Variants in GPR173 observed in about 807,000 individuals in gnomAD.
GPR173 encodes G protein-coupled receptor 173.
Under a neutral mutation model 13.9 loss-of-function variants are expected in GPR173, and 2 were observed. The observed-to-expected ratio is 0.14, with a 90% confidence interval of 0.06 to 0.45. The LOEUF is 0.45. GPR173 is among the 20% of genes least tolerant of loss of function. The pLI is 0.98. For synonymous variants in GPR173, 131 were observed against 141.0 expected, an observed-to-expected ratio of 0.93 and a Z score of 0.50; for missense variants, 202 against 340.5, an observed-to-expected ratio of 0.59 and a Z score of 3.20.
At chrX:53,062,019 A>AAGAGAAGAGAAGAGAACATT (rs1932133555) in intron 1 of GPR173, among the ~76,000 whole-genome samples, 1 of 110,664 alleles carries the variant, frequency 9.0e-6, no homozygotes, top group Admixed American at 9.7e-5. Context: ...AAGAGAAGAG[A>AAGAGAAGAGAAGAGAACATT]AGAAAAGGGA....
chrX:53,074,406 A>ATAGT lies in GPR173; in HGVS notation c.-97-2117_-97-2116insGTTA, dbSNP rs1932379662. On this transcript the variant is annotated intron_variant, in intron 1 of 1. Transcript: ENST00000332582. Reference sequence around the variant, plus strand: ...TATAAATATATATAAATATATATTTATATTTATATATAAATAACTATATAG... The same window carrying ATAGT: ...TATAAATATATATAAATATATATTTATAGTTATTTATATATAAATAACTATATAG... Among the ~76,000 whole-genome samples the ATAGT allele has an allele frequency of 3.6e-5, 2 of 55,210 alleles. 1 individual carries two copies. The highest frequency in any genetic ancestry group is 5.8e-5 in the Non-Finnish European group (2 of 34,430). 47.9% of individuals were successfully genotyped at this position (55,210 alleles called of 115,157 possible). A position where few individuals can be genotyped will look rare whatever the true frequency, so the allele number is the denominator to read the frequency against.
intron 1 of GPR173, among the ~76,000 whole-genome samples, chrX:53,074,316 ATATTTAT>A (rs1183700617): frequency 3.0e-5 from 1 of 32,869 alleles, no homozygotes; most frequent in Non-Finnish European, 5.1e-5. Context: ...ACATTCATAT[ATATTTAT>A]ATATAAATGT....
chrX:53,077,687 C>A lies in GPR173; in HGVS notation c.1066C>A (p.Pro356Thr). 8.3e-7 allele frequency: 1 copy of A among 1,208,624 alleles called. No individual in the cohort carries two copies. The highest frequency in any genetic ancestry group is 2.2e-5 in the Admixed American group (1 of 46,042). The change falls in exon 2 of 2, where the codon CCC becomes ACC. Residue 356 changes from proline (P) to threonine (T), a missense_variant. Physicochemically the swap from Pro to Thr is conservative, Grantham distance 38. Transcript: ENST00000332582. ...CAAGAAGTGCCTGAGGACTCACGCCCCCTGCTGGGGCACAGGAGGTGCCCC... is the reference window on the plus strand; with the variant it reads ...CAAGAAGTGCCTGAGGACTCACGCCACCTGCTGGGGCACAGGAGGTGCCCC... ...DLKKCLRTHA[P>T]CWGTGGAPAP... is the part of the protein sequence containing the mutation.
intron 1 of GPR173, among the ~76,000 whole-genome samples, chrX:53,074,291 A>AAT (rs1336022604): frequency 2.9e-5 from 1 of 34,649 alleles, no homozygotes; most frequent in African/African-American, 1.1e-4. Flanking sequence ...TTTACATATA[A>AAT]ATATATATAA....
At chrX:53,057,536 G>A (rs1216861993) in intron 1 of GPR173, among the ~76,000 whole-genome samples, 5 of 107,496 alleles carry the variant, frequency 4.7e-5, no homozygotes, top group African/African-American at 6.8e-5. Flanking sequence ...TCGGGAGTTC[G>A]AGACCAGCCT....
intron 1 of GPR173, among the ~76,000 whole-genome samples, chrX:53,050,742 T>TCTCAGCAGACC (rs781833441): frequency 1.8e-5 from 2 of 112,189 alleles, no homozygotes; most frequent in South Asian, 7.5e-4. Flanking sequence ...TTCTCCAGGG[T>TCTCAGCAGACC]CTCAGCAGAG....
At chrX:53,064,631 C>G (rs1272702251) in intron 1 of GPR173, among the ~76,000 whole-genome samples, 1 of 110,802 alleles carries the variant, frequency 9.0e-6, no homozygotes, top group Admixed American at 9.7e-5. Context: ...GCTGGGCTGT[C>G]CAAGATCATG....
chrX:53,051,530 G>C (rs192882930), intron 1 of GPR173, among the ~76,000 whole-genome samples: 1 of 110,340 alleles, frequency 9.1e-6, no homozygotes, highest in African/African-American at 3.3e-5. Flanking sequence ...TAAGCAGGCC[G>C]TGTGATGGCA....
rs782038743 is a variant in GPR173 at position 53,068,613 on chromosome X, CA to C, written c.-97-7903del. Among the ~76,000 whole-genome samples the C allele has an allele frequency of 5.1e-3, 538 of 105,311 alleles. 5 individuals are homozygous for C. Among genetic ancestry groups the C allele is most frequent in the Middle Eastern group, 0.024 (5 of 205 alleles). The allele number at this position is 105,311 out of a possible 115,157, so 91.4% of individuals were successfully genotyped here. ...CAACATAGTGAGACTGCATCTCTAC[CA>C]AAAAAAAACCTTAAAAAATTAGCCA... On this transcript the variant is annotated intron_variant, in intron 1 of 1. Coordinates refer to ENST00000332582, the MANE Select transcript of GPR173 (RefSeq NM_018969.6).
intron 1 of GPR173, among the ~76,000 whole-genome samples, chrX:53,069,250 G>A (rs1219902978): frequency 4.9e-5 from 5 of 102,672 alleles, no homozygotes; most frequent in African/African-American, 1.1e-4. Flanking sequence ...GTGAGCCACC[G>A]TGCCCAGCCG....
intron 1 of GPR173, among the ~76,000 whole-genome samples, chrX:53,057,373 T>TGC (rs1932052689): frequency 1.0e-5 from 1 of 97,159 alleles, no homozygotes. Flanking sequence ...GCTGAGATCA[T>TGC]GCCATTGCAC....
rs782240314 is a variant in GPR173 at position 53,050,919 on chromosome X, G to GCA, written c.-98+1448_-98+1449dup. Among the ~76,000 whole-genome samples the GCA allele has an allele frequency of 6.6e-3, 732 of 111,331 alleles. 11 individuals carry two copies. Among genetic ancestry groups the GCA allele is most frequent in the African/African-American group, 0.022 (679 of 30,620 alleles). Reference sequence around the variant, plus strand: ...TCCCTGCACTTGTCCCTGTTTGTGCGCACACACACACACAGAACCTTGAGC... The same window carrying GCA: ...TCCCTGCACTTGTCCCTGTTTGTGCGCACACACACACACACAGAACCTTGAGC... On this transcript the variant is annotated intron_variant, in intron 1 of 1. Transcript: ENST00000332582.
chrX:53,077,323 T>A lies in GPR173; in HGVS notation c.702T>A (p.Gly234=), dbSNP rs782705795. The change falls in exon 2 of 2, where the codon GGT becomes GGA. Residue 234 remains glycine (G), a synonymous_variant. Transcript: ENST00000332582. The part of the protein sequence containing the change: ...PAISQNWTFH[G]PGATGQAAAN... ...TCAGCCAGAACTGGACATTCCATGG[T>A]CCCGGGGCCACCGGCCAGGCTGCTG... 5.0e-6 allele frequency: 6 copies of A among 1,194,178 alleles called. No homozygotes were observed. The South Asian group carries it at 1.1e-4, about 22-fold the overall frequency.
rs985365939 is a variant in GPR173 at position 53,070,609 on chromosome X, C to T, written c.-97-5916C>T. On this transcript the variant is annotated intron_variant, in intron 1 of 1. Coordinates refer to ENST00000332582, the MANE Select transcript of GPR173 (RefSeq NM_018969.6). ...AAGTGATTCTCCTGCCTCAGCCTCC[C>T]GAGTAGCTGGGATTACAGGTTCGTG... 4.5e-5 allele frequency among the ~76,000 whole-genome samples: 5 copies of T among 110,610 alleles called. No individual in the cohort carries two copies. The Admixed American group carries it at 4.9e-4, about 11-fold the overall frequency.
intron 1 of GPR173, among the ~76,000 whole-genome samples, chrX:53,066,696 A>G (rs1932188339): frequency 9.4e-6 from 1 of 106,423 alleles, no homozygotes; most frequent in Non-Finnish European, 1.9e-5. Context: ...AGCATTCACA[A>G]AGAAATGTTG....
rs782309121 is a variant in GPR173, at chrX:53,051,107, G to A, written c.-98+1623G>A. On this transcript the variant is annotated intron_variant, in intron 1 of 1. Transcript: ENST00000332582. ...GAAGCTCCTGAGATCACGGGGCTTCGGGTAGAGCTGGGGTGTGGCCCATGC... is the reference window on the plus strand; with the variant it reads ...GAAGCTCCTGAGATCACGGGGCTTCAGGTAGAGCTGGGGTGTGGCCCATGC... 8.9e-5 allele frequency among the ~76,000 whole-genome samples: 10 copies of A among 112,049 alleles called. No individual in the cohort carries two copies. The East Asian group carries it at 2.0e-3, about 22-fold the overall frequency.
intron 1 of GPR173, among the ~76,000 whole-genome samples, chrX:53,061,106 C>G (rs1319436770): frequency 2.8e-5 from 3 of 108,662 alleles, no homozygotes; most frequent in Admixed American, 9.8e-5. Flanking sequence ...GCCTGTAGTC[C>G]CAGCTACTGG....
chrX:53,079,403 C>T lies in GPR173; in HGVS notation c.*1660C>T, dbSNP rs1406610995. 3.6e-5 allele frequency: 3 copies of T among 84,480 alleles called. No individual in the cohort carries two copies. Among genetic ancestry groups the T allele is most frequent in the African/African-American group, 5.6e-5 (1 of 17,959 alleles). The allele number at this position is 84,480 out of a possible 1,213,427, so 7.0% of individuals were successfully genotyped here. A position where few individuals can be genotyped will look rare whatever the true frequency, so the allele number is the denominator to read the frequency against. ...GGAGTAGGGGAGCCTGTTCTCTCAG[C>T]GATAGTGATGGGGGTGCCTTTCCGA... On this transcript the variant is annotated 3_prime_UTR_variant, in exon 2 of 2. Coordinates refer to ENST00000332582, the MANE Select transcript of GPR173 (RefSeq NM_018969.6).
intron 1 of GPR173, among the ~76,000 whole-genome samples, chrX:53,075,455 G>T (rs896716044): frequency 9.7e-6 from 1 of 102,934 alleles, no homozygotes; most frequent in Non-Finnish European, 2.0e-5. Context: ...CTAGAATGTC[G>T]GTTCCACAAG....
Sources: allele counts gnomAD v4.1 joint callset (sites outside exome capture counted in the v4.1 genomes callset), GRCh38; gene constraint gnomAD v4.1.1; transcripts MANE v1.5; gene names NCBI Gene and HGNC (gene_info 2026-07-23, HGNC 2026-07-21).